The following ASXL2 variants were observed in gnomAD, a reference collection of about 807,000 sequenced individuals.
ASXL2 encodes the protein putative Polycomb group protein ASXL2.
Under a neutral mutation model 122.0 loss-of-function variants are expected in ASXL2, and 23 were observed. That is an observed-to-expected ratio of 0.19 (90% CI 0.14 to 0.27). The LOEUF (loss-of-function observed/expected upper bound fraction) is 0.27. Among genes scored for constraint, ASXL2 ranks in the 10% least tolerant of loss-of-function variants. The probability of loss-of-function intolerance (pLI) is 1.00; values close to 1 mark genes in which losing one functional copy is unlikely to be tolerated. For synonymous variants in ASXL2, 650 were observed against 637.0 expected (o/e 1.02, Z -0.31); for missense variants, 1,518 against 1,713.8 (o/e 0.89, Z 2.02).
intron 4 of ASXL2, among the ~76,000 whole-genome samples, chr2:25,804,282 T>G (rs1185228359): frequency 6.6e-6 from 1 of 152,188 alleles, no homozygotes; most frequent in Non-Finnish European, 1.5e-5. Context: ...AAGCATTCAT[T>G]CCCCTTCAGC....
chr2:25,866,933 T>A (rs2089911454), intron 1 of ASXL2, among the ~76,000 whole-genome samples: 1 of 149,398 alleles, frequency 6.7e-6, no homozygotes, highest in African/African-American at 2.5e-5. Context: ...AGTGTTTTGC[T>A]CTTGTTGCCC....
At chr2:25,872,536 ATC>A (rs1264497826) in intron 1 of ASXL2, among the ~76,000 whole-genome samples, 1 of 152,242 alleles carries the variant, frequency 6.6e-6, no homozygotes, top group Non-Finnish European at 1.5e-5. Context: ...CATAAACAAA[ATC>A]TGTTTACTTA....
chr2:25,813,044 C>G (rs1245046321), intron 3 of ASXL2, among the ~76,000 whole-genome samples: 3 of 152,094 alleles, frequency 2.0e-5, no homozygotes, highest in Non-Finnish European at 4.4e-5. Flanking sequence ...AAAGAGATTA[C>G]TTTAAAAAGG....
At chr2:25,751,610 AGGGACAGAGT>A (rs1465316196) in intron 11 of ASXL2, among the ~76,000 whole-genome samples, 4 of 151,582 alleles carry the variant, frequency 2.6e-5, no homozygotes, top group East Asian at 1.9e-4. Context: ...CTCCAGCCTG[AGGGACAGAGT>A]GGGACCCTGT....
At chr2:25,782,896 G>A (rs1415677225) in intron 5 of ASXL2, among the ~76,000 whole-genome samples, 1 of 152,160 alleles carries the variant, frequency 6.6e-6, no homozygotes, top group Non-Finnish European at 1.5e-5. Context: ...GGGAAGCCAA[G>A]GTGGGCGGAT....
chr2:25,802,668 G>A (rs764494937), intron 4 of ASXL2, among the ~76,000 whole-genome samples: 1 of 152,108 alleles, frequency 6.6e-6, no homozygotes, highest in Non-Finnish European at 1.5e-5. Flanking sequence ...TTAGTTTCCA[G>A]GGGAACCAAC....
chr2:25,745,163 C>G (rs1559498930), intron 12 of ASXL2, among the ~76,000 whole-genome samples: 1 of 151,800 alleles, frequency 6.6e-6, no homozygotes, highest in South Asian at 2.1e-4. Context: ...TATATATGCT[C>G]TGGGTCCTAT....
intron 5 of ASXL2, among the ~76,000 whole-genome samples, chr2:25,778,963 A>G (rs1048188355): frequency 3.9e-5 from 6 of 152,180 alleles, no homozygotes; most frequent in Admixed American, 2.6e-4. Flanking sequence ...GGTTACCACT[A>G]GTTCTAGAAC....
At chr2:25,799,353 T>G in intron 5 of ASXL2, 32 bp downstream of exon 5, 1 of 1,613,814 alleles carries the variant, frequency 6.2e-7, no homozygotes, top group South Asian at 1.1e-5. Flanking sequence ...CTACAGCATT[T>G]AGTACTTTAT....
At position 25,750,262 on chromosome 2, in the gene ASXL2, T is replaced by C; in HGVS notation, c.1294A>G (p.Lys432Glu). The change falls in exon 12 of 13, where the codon AAA (lysine) becomes GAA (glutamate). Residue 432 changes from lysine to glutamate, a missense_variant. By Grantham distance (56) the Lys-to-Glu change is moderately conservative. Around this residue, in one of 8 missense-constraint regions of ASXL2, gnomAD observed 292 missense variants for 293.5 expected, o/e 1.00. Coordinates refer to ENST00000435504, the MANE Select transcript of ASXL2 (RefSeq NM_018263.6). ...IVPVVSQSEC[K>E]EEALQMSSPG... ...GATGACATTTGCAATGCTTCTTCTTTACACTCTGACTGGGAGACTACTGGA... is the reference window on the plus strand; with the variant it reads ...GATGACATTTGCAATGCTTCTTCTTCACACTCTGACTGGGAGACTACTGGA... 6.2e-7 allele frequency: 1 copy of C among 1,614,018 alleles called. No homozygotes were observed. Among genetic ancestry groups the C allele is most frequent in the Non-Finnish European group, 8.5e-7 (1 of 1,179,890 alleles).
intron 3 of ASXL2, among the ~76,000 whole-genome samples, chr2:25,814,140 A>G (rs2089206301): frequency 6.6e-6 from 1 of 152,268 alleles, no homozygotes; most frequent in African/African-American, 2.4e-5. Context: ...GAAGGAAACA[A>G]AATTTTGAAA....
intron 12 of ASXL2, among the ~76,000 whole-genome samples, chr2:25,747,908 C>T (rs1183371034): frequency 1.3e-5 from 2 of 152,046 alleles, no homozygotes; most frequent in African/African-American, 4.8e-5. Flanking sequence ...GTGGCTCACA[C>T]CTATAACCCT....
At chr2:25,863,328 C>CAAAAAA (rs2089861429) in intron 1 of ASXL2, among the ~76,000 whole-genome samples, 3 of 142,042 alleles carry the variant, frequency 2.1e-5, no homozygotes, top group African/African-American at 7.8e-5. Context: ...GACTCCATCT[C>CAAAAAA]CAAAAAAAAA....
At chr2:25,759,005 C>T (rs1407999113) in intron 9 of ASXL2, among the ~76,000 whole-genome samples, 2 of 151,920 alleles carry the variant, frequency 1.3e-5, no homozygotes, top group South Asian at 2.1e-4. Flanking sequence ...CTCAGGCTGG[C>T]GTCCAGTGGC....
intron 12 of ASXL2, among the ~76,000 whole-genome samples, chr2:25,746,343 T>C (rs1368681943): frequency 1.3e-5 from 2 of 152,182 alleles, no homozygotes; most frequent in Non-Finnish European, 2.9e-5. Context: ...TCAGGAAACC[T>C]ATTTAATCTC....
At chr2:25,764,210 A>C (rs2088301651) in intron 8 of ASXL2, among the ~76,000 whole-genome samples, 1 of 152,220 alleles carries the variant, frequency 6.6e-6, no homozygotes, top group Admixed American at 6.5e-5. Context: ...CACAATGTAC[A>C]TGTTAATCAT....
chr2:25,833,172 ACC>A (rs1310093542), intron 3 of ASXL2, among the ~76,000 whole-genome samples: 4 of 152,276 alleles, frequency 2.6e-5, no homozygotes, highest in African/African-American at 9.6e-5. Context: ...ACATACACAC[ACC>A]CCGGTACCAG....
rs1468802385 is a variant in ASXL2, at chr2:25,753,549, C to T, written c.1127G>A (p.Ser376Asn). ...CTAATATTACCTCTGCCCATAGTAG[C>T]TTTCAAAGAATTGTTCTTTCCATGG... ...VEPWKEQFFE[S>N]YYGQSSGLSL... Residue 376 changes from serine (S) to asparagine (N), a missense_variant, in exon 11 of 13, where the codon AGC (serine) becomes AAC (asparagine). Ser to Asn is a conservative substitution (Grantham distance 46). Transcript: ENST00000435504. 2.5e-6 allele frequency: 4 copies of T among 1,613,390 alleles called. No individual in the cohort carries two copies. The African/African-American group carries it at 5.3e-5, about 22-fold the overall frequency.
At chr2:25,771,636 T>G (rs1034631724) in intron 5 of ASXL2, 96 bp from the exon 6 acceptor site, 77 of 964,404 alleles carry the variant, frequency 8.0e-5, no homozygotes, top group Middle Eastern at 6.5e-4. Context: ...GAGTAAGAAC[T>G]ATGACCAAAC....
Sources: allele counts gnomAD v4.1 joint callset (sites outside exome capture counted in the v4.1 genomes callset), GRCh38; gene constraint gnomAD v4.1.1; regional missense constraint gnomAD v4.1.1; transcripts MANE v1.5; gene names NCBI Gene and HGNC (gene_info 2026-07-23, HGNC 2026-07-21).